The following VPS13B variants were observed in gnomAD, a reference collection of about 807,000 sequenced individuals.
The protein encoded by VPS13B is intermembrane lipid transfer protein VPS13B.
A neutral mutation model predicts 426.4 loss-of-function variants in VPS13B; 285 were observed. The observed-to-expected ratio is 0.67, with a 90% CI of 0.61 to 0.74. The LOEUF (loss-of-function observed/expected upper bound fraction) is 0.74, where lower values mean the gene tolerates loss of function less well. VPS13B is among the 30% of genes least tolerant of loss of function. VPS13B has a pLI of 0.00. For synonymous variants in VPS13B, 1,676 were observed against 1,676.4 expected (o/e 1.00, Z 0.01); for missense variants, 4,537 against 4,782.6 (o/e 0.95, Z 1.51).
chr8:99,348,742 T>C (rs1811687858), intron 19 of VPS13B, among the ~76,000 whole-genome samples: 1 of 152,224 alleles, frequency 6.6e-6, no homozygotes, highest in East Asian at 1.9e-4. Flanking sequence ...CCTTTATTTT[T>C]CAGTAATTTA....
intron 33 of VPS13B, among the ~76,000 whole-genome samples, chr8:99,621,760 C>T (rs185675377): frequency 5.3e-5 from 8 of 151,432 alleles, no homozygotes; most frequent in South Asian, 2.1e-4. Flanking sequence ...TTTGAGATTC[C>T]TCAAAAGACT....
intron 33 of VPS13B, 149 bp downstream of exon 33, chr8:99,577,782 G>T (rs948735783): frequency 9.9e-6 from 11 of 1,110,844 alleles, no homozygotes; most frequent in Non-Finnish European, 1.4e-5. Context: ...ATTTTGGATT[G>T]ATATTCTTTA....
At chr8:99,791,411 A>G (rs1812528177) in intron 43 of VPS13B, among the ~76,000 whole-genome samples, 1 of 152,164 alleles carries the variant, frequency 6.6e-6, no homozygotes, top group Non-Finnish European at 1.5e-5. Flanking sequence ...TGTGTTCTCA[A>G]GAGCCTGGGA....
intron 19 of VPS13B, chr8:99,346,381 G>A (rs1420838407): frequency 6.6e-6 from 1 of 152,140 alleles, no homozygotes; most frequent in Admixed American, 6.5e-5. Context: ...AGTGGTATAT[G>A]CTCCCAGCTT....
chr8:99,137,009 GATTCTGATAT>G (rs1810104723), intron 12 of VPS13B, among the ~76,000 whole-genome samples: 2 of 152,114 alleles, frequency 1.3e-5, no homozygotes, highest in South Asian at 4.2e-4. Context: ...CATATATTAT[GATTCTGATAT>G]ATCAAATTTT....
At chr8:99,050,799 T>C (rs1298220923) in intron 3 of VPS13B, among the ~76,000 whole-genome samples, 1 of 152,224 alleles carries the variant, frequency 6.6e-6, no homozygotes, top group Non-Finnish European at 1.5e-5. Context: ...GATGAGCAAG[T>C]TTTCATGTGT....
At chr8:99,699,391 A>G (rs1020381071) in intron 35 of VPS13B, 134 bp from the exon 36 acceptor site, 8 of 923,758 alleles carry the variant, frequency 8.7e-6, no homozygotes, top group African/African-American at 1.7e-5. Context: ...TAAGAGATAT[A>G]TCATGTTCAG....
intron 3 of VPS13B, among the ~76,000 whole-genome samples, chr8:99,082,372 C>T (rs564601250): frequency 6.6e-5 from 10 of 152,160 alleles, no homozygotes; most frequent in Middle Eastern, 3.4e-3. Flanking sequence ...GCCCTTTGTC[C>T]GATGAGTAAA....
intron 17 of VPS13B, among the ~76,000 whole-genome samples, chr8:99,266,778 T>G (rs191930472): frequency 1.2e-3 from 182 of 152,308 alleles, no homozygotes; most frequent in African/African-American, 3.6e-3. Flanking sequence ...TGCTTAGCTC[T>G]TCTCCCTCCT....
intron 15 of VPS13B, among the ~76,000 whole-genome samples, chr8:99,166,254 G>A (rs1438110360): frequency 2.0e-5 from 3 of 152,048 alleles, no homozygotes; most frequent in African/African-American, 7.2e-5. Flanking sequence ...CAAAGTGCTG[G>A]GATTATAGGC....
chr8:99,582,930 C>T (rs1826141460), intron 33 of VPS13B, among the ~76,000 whole-genome samples: 1 of 152,220 alleles, frequency 6.6e-6, no homozygotes, highest in Non-Finnish European at 1.5e-5. Flanking sequence ...TCTGGGATTA[C>T]AGGCGTGAGC....
At chr8:99,340,348 T>C (rs1474481796) in intron 19 of VPS13B, 5 of 392,944 alleles carry the variant, frequency 1.3e-5, no homozygotes, top group Admixed American at 3.2e-5. Flanking sequence ...GTATGCCTCA[T>C]AGGCAGCAAC....
At position 99,646,890 on chromosome 8, in the gene VPS13B, C is replaced by G. The variant is rs148032829; in HGVS notation, c.5908+4392C>G. On this transcript the variant is annotated intron_variant, in intron 34 of 61. Coordinates refer to ENST00000357162, the MANE Select transcript of VPS13B (RefSeq NM_152564.5). ...CTGCCGTGATCATAGCTTCCTGAGA[C>G]CTCACTAGAAGCCAAGCAGATGTTA... Among the ~76,000 whole-genome samples, 943 of 152,212 alleles carry G rather than the reference C, an allele frequency of 6.2e-3. 6 individuals carry two copies. Among genetic ancestry groups the G allele is most frequent in the African/African-American group, 0.021 (885 of 41,518 alleles).
chr8:99,097,496 A>G (rs993753213), intron 4 of VPS13B, among the ~76,000 whole-genome samples: 5 of 152,158 alleles, frequency 3.3e-5, no homozygotes, highest in African/African-American at 1.2e-4. Context: ...TATCAATCAC[A>G]GTACAAAGCC....
At chr8:99,114,736 C>T (rs1410798454) in intron 6 of VPS13B, among the ~76,000 whole-genome samples, 1 of 152,096 alleles carries the variant, frequency 6.6e-6, no homozygotes, top group African/African-American at 2.4e-5. Flanking sequence ...GTTTTCTCCC[C>T]CTTCACATAC....
rs764544747 is a variant in VPS13B at position 99,442,428 on chromosome 8, AT to A, written c.3240del (p.Pro1081GlnfsTer20). On this transcript the variant is annotated frameshift_variant, in exon 23 of 62. Transcript: ENST00000357162. LOFTEE classifies it high-confidence loss of function. ...TGAAGTACAATCTTGTTGTGTGTTTATTCCAAATGATAGCCTGCCTTCCCCA... is the reference window on the plus strand; with the variant it reads ...TGAAGTACAATCTTGTTGTGTGTTTATCCAAATGATAGCCTGCCTTCCCCA... ...QLEVQSCCVF[I>X]PNDSLPSPST... 3.1e-6 allele frequency: 5 copies of A among 1,613,886 alleles called. No homozygotes were observed. Among genetic ancestry groups the A allele is most frequent in the Non-Finnish European group, 8.5e-7 (1 of 1,179,828 alleles).
At chr8:99,319,717 G>A (rs1454463846) in intron 19 of VPS13B, among the ~76,000 whole-genome samples, 2 of 152,156 alleles carry the variant, frequency 1.3e-5, no homozygotes, top group Non-Finnish European at 2.9e-5. Flanking sequence ...ACAGGCAAGA[G>A]TCACAGCCTT....
At position 99,654,555 on chromosome 8, in the gene VPS13B, T is replaced by A. The variant is rs1415729082; in HGVS notation, c.5909-6799T>A. On this transcript the variant is annotated intron_variant, in intron 34 of 61. Transcript: ENST00000357162. ...GAAAAATGTATGAAACTCAGTAAGC[T>A]TGTAGCTTGCCTTTTACATGTCCAG... is the stretch of plus-strand genomic sequence containing the variant. Among the ~76,000 whole-genome samples, 4 of 152,180 alleles carry A rather than the reference T, an allele frequency of 2.6e-5. No individual in the cohort carries two copies. The East Asian group carries it at 7.7e-4, about 29-fold the overall frequency.
At chr8:99,043,271 A>C (rs1587953654) in intron 3 of VPS13B, among the ~76,000 whole-genome samples, 1 of 152,190 alleles carries the variant, frequency 6.6e-6, no homozygotes, top group East Asian at 1.9e-4. Flanking sequence ...TACTTGTAGA[A>C]ATTTTACATG....
Sources: allele counts gnomAD v4.1 joint callset (sites outside exome capture counted in the v4.1 genomes callset), GRCh38; gene constraint gnomAD v4.1.1; transcripts MANE v1.5; gene names NCBI Gene and HGNC (gene_info 2026-07-23, HGNC 2026-07-21).